Variants in USH2A observed in about 807,000 individuals in gnomAD.
The protein encoded by USH2A is usherin, also known as Usher syndrome 2A (autosomal recessive, mild).
A neutral mutation model predicts 538.9 loss-of-function variants in USH2A; 443 were observed. The observed-to-expected ratio is 0.82, with a 90% CI of 0.76 to 0.89. The LOEUF (loss-of-function observed/expected upper bound fraction) is 0.89. USH2A is among the 40% of genes least tolerant of loss of function. The pLI, the probability that USH2A is intolerant of heterozygous loss-of-function variation, is 0.00. For missense variants in USH2A, 6,633 were observed against 6,324.8 expected (o/e 1.05, Z -1.65); for synonymous variants, 2,413 against 2,273.5 (o/e 1.06, Z -1.75).
chr1:215,821,214 A>AGGG lies in USH2A; in HGVS notation c.9372-4020_9372-4019insCCC, dbSNP rs566525048. Among the ~76,000 whole-genome samples the AGGG allele has an allele frequency of 5.9e-5, 9 of 151,962 alleles. No homozygotes were observed. The South Asian group carries it at 1.9e-3, about 31-fold the overall frequency. Reference sequence around the variant, plus strand: ...ATTTACATTCCCACCAACAGTGTAAATAGAGTTCCCCTTTCTCCACATCTT... The same window carrying AGGG: ...ATTTACATTCCCACCAACAGTGTAAAGGGTAGAGTTCCCCTTTCTCCACATCTT... On this transcript the variant is annotated intron_variant, in intron 47 of 71. Coordinates refer to ENST00000307340, the MANE Select transcript of USH2A (RefSeq NM_206933.4).
chr1:215,791,902 A>C (rs1204409002), intron 50 of USH2A, among the ~76,000 whole-genome samples: 2 of 152,222 alleles, frequency 1.3e-5, no homozygotes, highest in Non-Finnish European at 2.9e-5. Flanking sequence ...GTACACACAC[A>C]CATAAACTAA....
At chr1:215,944,544 C>T (rs1052939151) in intron 37 of USH2A, among the ~76,000 whole-genome samples, 7 of 152,140 alleles carry the variant, frequency 4.6e-5, no homozygotes, top group Middle Eastern at 6.8e-3. Context: ...TTTCATTATT[C>T]AGCATTAATA....
intron 38 of USH2A, among the ~76,000 whole-genome samples, chr1:215,908,605 A>G (rs1370871768): frequency 6.6e-6 from 1 of 151,918 alleles, no homozygotes; most frequent in Non-Finnish European, 1.5e-5. Context: ...TTCTATACAA[A>G]TATATGTGCA....
intron 49 of USH2A, among the ~76,000 whole-genome samples, chr1:215,811,271 C>T (rs1662667280): frequency 6.6e-6 from 1 of 152,192 alleles, no homozygotes; most frequent in African/African-American, 2.4e-5. Flanking sequence ...AACAAATTAG[C>T]CACAAGGAAC....
intron 36 of USH2A, among the ~76,000 whole-genome samples, chr1:215,968,573 A>T (rs910297304): frequency 6.6e-6 from 1 of 152,150 alleles, no homozygotes; most frequent in African/African-American, 2.4e-5. Flanking sequence ...AATTTGGAGG[A>T]TGAACCATAT....
At chr1:216,047,349 GC>G (rs1287920630) in intron 31 of USH2A, among the ~76,000 whole-genome samples, 1 of 152,056 alleles carries the variant, frequency 6.6e-6, no homozygotes, top group Non-Finnish European at 1.5e-5. Flanking sequence ...GCAACATAGG[GC>G]CATTTGTCCC....
At chr1:215,836,483 A>T (rs1415503621) in intron 47 of USH2A, among the ~76,000 whole-genome samples, 2 of 3,060 alleles carry the variant, frequency 6.5e-4, no homozygotes, top group Non-Finnish European at 1.1e-3. Flanking sequence ...TATATATAAT[A>T]TATATTATAT....
chr1:215,663,781 G>A (rs1657517886), intron 64 of USH2A, among the ~76,000 whole-genome samples: 1 of 152,134 alleles, frequency 6.6e-6, no homozygotes, highest in Admixed American at 6.5e-5. Context: ...TGGTTTCTAT[G>A]TATGAGGTGC....
intron 14 of USH2A, among the ~76,000 whole-genome samples, chr1:216,220,943 G>A (rs1054120835): frequency 6.6e-6 from 1 of 152,080 alleles, no homozygotes; most frequent in Non-Finnish European, 1.5e-5. Context: ...TTTTAGATAA[G>A]GATTATTAAT....
intron 15 of USH2A, among the ~76,000 whole-genome samples, chr1:216,211,999 A>G (rs2035251432): frequency 6.6e-6 from 1 of 152,172 alleles, no homozygotes; most frequent in Non-Finnish European, 1.5e-5. Context: ...AAAACTCTGC[A>G]TGCTATCAGG....
At chr1:216,369,270 A>G (rs1177808092) in intron 3 of USH2A, among the ~76,000 whole-genome samples, 1 of 152,164 alleles carries the variant, frequency 6.6e-6, no homozygotes, top group Non-Finnish European at 1.5e-5. Context: ...GTTTATTTTA[A>G]AAATCACATG....
At chr1:216,040,658 A>ACAGTCTC (rs2030234165) in intron 32 of USH2A, among the ~76,000 whole-genome samples, 2 of 152,004 alleles carry the variant, frequency 1.3e-5, no homozygotes, top group South Asian at 4.1e-4. Context: ...GGTATGTTGA[A>ACAGTCTC]CAGTCTCATG....
At chr1:215,832,637 C>T (rs115771688) in intron 47 of USH2A, among the ~76,000 whole-genome samples, 2,792 of 151,928 alleles carry the variant, frequency 0.018, 87 homozygotes, top group African/African-American at 0.064. Context: ...AAATTTCATA[C>T]GTAACATCAC....
intron 49 of USH2A, among the ~76,000 whole-genome samples, chr1:215,812,468 C>T (rs1558109630): frequency 1.3e-5 from 2 of 152,156 alleles, no homozygotes; most frequent in South Asian, 4.1e-4. Flanking sequence ...ATATTTGCTC[C>T]AGTATTTTGC....
chr1:215,725,154 C>T (rs970924858), intron 61 of USH2A, among the ~76,000 whole-genome samples: 4 of 152,054 alleles, frequency 2.6e-5, no homozygotes, highest in Admixed American at 2.0e-4. Context: ...CTGCCTCAGC[C>T]TCTCAAATAG....
chr1:215,842,084 G>A (rs1558123011), intron 46 of USH2A, among the ~76,000 whole-genome samples: 1 of 152,194 alleles, frequency 6.6e-6, no homozygotes, highest in East Asian at 1.9e-4. Context: ...AGCACTGTGG[G>A]AAGCTTAGGC....
chr1:216,324,091 GC>G, intron 7 of USH2A, 76 bp downstream of exon 7: 1 of 1,500,780 alleles, frequency 6.7e-7, no homozygotes, highest in Non-Finnish European at 9.1e-7. Context: ...GTCTCCACCA[GC>G]CTAGAGAGCT....
At position 215,661,971 on chromosome 1, in the gene USH2A, G is replaced by C. The variant is rs1404659543; in HGVS notation, c.14133+9001C>G. On this transcript the variant is annotated intron_variant, in intron 64 of 71. Coordinates refer to ENST00000307340, the MANE Select transcript of USH2A (RefSeq NM_206933.4). Reference sequence around the variant, plus strand: ...ATTTTTATGGATACATTATTCATGGGCATCTTTATTTGACTTATCAACTAT... The same window carrying C: ...ATTTTTATGGATACATTATTCATGGCCATCTTTATTTGACTTATCAACTAT... 7.9e-5 allele frequency among the ~76,000 whole-genome samples: 12 copies of C among 152,150 alleles called. No homozygotes were observed. The East Asian group carries it at 2.1e-3, about 27-fold the overall frequency.
chr1:216,228,462 G>A (rs575719977), intron 14 of USH2A, among the ~76,000 whole-genome samples: 2 of 152,220 alleles, frequency 1.3e-5, no homozygotes, highest in South Asian at 4.1e-4. Flanking sequence ...ATGTGTTGTG[G>A]GAGTAACACA....
Sources: gnomAD v4.1 joint callset for allele counts (sites outside exome capture counted in the v4.1 genomes callset) on GRCh38, gnomAD v4.1.1 for gene constraint, MANE v1.5 for transcripts, NCBI Gene and HGNC (gene_info 2026-07-23, HGNC 2026-07-21) for gene names.